SBNO1: variants seen among roughly 807,000 people sequenced by gnomAD.
The protein encoded by SBNO1 is strawberry notch homolog 1.
Under a neutral mutation model 173.6 loss-of-function variants are expected in SBNO1, and 23 were observed. That is an observed-to-expected ratio of 0.13 (90% CI 0.10 to 0.19). The LOEUF is 0.19. Ranked by LOEUF, SBNO1 falls within the 10% of genes least tolerant of loss-of-function variation. The pLI is 1.00. For synonymous variants in SBNO1, 632 were observed against 571.5 expected (o/e 1.11, Z -1.51); for missense variants, 1,238 against 1,671.2 (o/e 0.74, Z 4.52).
chr12:123,335,910 A>G (rs1256294435), intron 6 of SBNO1, among the ~76,000 whole-genome samples: 1 of 152,238 alleles, frequency 6.6e-6, no homozygotes, highest in Non-Finnish European at 1.5e-5. Context: ...AGAGAATTGT[A>G]GTTCAATTCA....
At chr12:123,316,703 CTTT>C (rs545944754) in intron 21 of SBNO1, among the ~76,000 whole-genome samples, 11 of 123,892 alleles carry the variant, frequency 8.9e-5, no homozygotes, top group African/African-American at 1.8e-4. Context: ...TTTTCTTCTT[CTTT>C]TTTTTTTTTT....
chr12:123,331,916 A>G (rs1469332434), intron 7 of SBNO1, among the ~76,000 whole-genome samples: 1 of 152,008 alleles, frequency 6.6e-6, no homozygotes, highest in Non-Finnish European at 1.5e-5. Flanking sequence ...GCAGTGGCAC[A>G]ATCTCGGCTC....
At chr12:123,346,858 A>C (rs1441627935) in intron 3 of SBNO1, among the ~76,000 whole-genome samples, 1 of 151,912 alleles carries the variant, frequency 6.6e-6, no homozygotes, top group Non-Finnish European at 1.5e-5. Flanking sequence ...TGGGCACATT[A>C]CCTGAGGTCA....
chr12:123,364,344 CA>C, intron 1 of SBNO1: 1 of 985,110 alleles, frequency 1.0e-6, no homozygotes, highest in Non-Finnish European at 1.2e-6. Context: ...AGGCGGAAGC[CA>C]AAGGGGCGAA....
intron 17 of SBNO1, 134 bp from the exon 18 acceptor site, chr12:123,321,000 C>T (rs1402786257): frequency 2.4e-5 from 16 of 668,850 alleles, no homozygotes; most frequent in Middle Eastern, 4.3e-4. Flanking sequence ...AGTGCAATGG[C>T]GCAATCTCAG....
At chr12:123,331,198 G>A (rs758986415) in intron 8 of SBNO1, 44 bp downstream of exon 8, 87 of 1,598,942 alleles carry the variant, frequency 5.4e-5, no homozygotes, top group South Asian at 1.8e-4. Context: ...TCCTAACCTC[G>A]TGATCCGCTG....
intron 1 of SBNO1, among the ~76,000 whole-genome samples, chr12:123,362,402 C>T (rs1179657095): frequency 7.5e-6 from 1 of 133,910 alleles, no homozygotes; most frequent in African/African-American, 2.9e-5. Context: ...TGCCACTGCA[C>T]TCCAGCCTGG....
intron 28 of SBNO1, among the ~76,000 whole-genome samples, chr12:123,308,720 T>C (rs185254282): frequency 6.6e-6 from 1 of 150,960 alleles, no homozygotes; most frequent in African/African-American, 2.4e-5. Flanking sequence ...CATCTATAAT[T>C]CCTTTGGGAG....
intron 23 of SBNO1, among the ~76,000 whole-genome samples, chr12:123,314,662 G>C (rs1293605817): frequency 6.6e-6 from 1 of 151,620 alleles, no homozygotes; most frequent in African/African-American, 2.4e-5. Context: ...TTTTGAGACA[G>C]AGTCTTGCCC....
intron 5 of SBNO1, among the ~76,000 whole-genome samples, chr12:123,339,287 G>A (rs942020716): frequency 1.3e-5 from 2 of 151,550 alleles, no homozygotes; most frequent in African/African-American, 2.4e-5. Context: ...TCCCCTCTCC[G>A]TTTTTCAATC....
chr12:123,321,450 G>C, intron 17 of SBNO1, 85 bp downstream of exon 17: 1 of 963,924 alleles, frequency 1.0e-6, no homozygotes, highest in Non-Finnish European at 1.6e-6. Context: ...CATTTGTACT[G>C]TACAGAAGAA....
Position 123,317,304 on chromosome 12 carries a change from T to A in SBNO1, c.2852A>T (p.Asp951Val). Residue 951 changes from aspartate to valine, a missense_variant, in exon 21 of 32, where the codon GAT becomes GTT. Physicochemically the swap from Asp to Val is radical, Grantham distance 152 (BLOSUM62 -3). Around this residue, in one of 14 missense-constraint regions of SBNO1, gnomAD observed 39 missense variants for 129.7 expected, o/e 0.30. Coordinates refer to ENST00000602398, the MANE Select transcript of SBNO1 (RefSeq NM_001167856.3). ...TCGCCTTTGATTTTTAGCTCTCCTA[T>A]CTGCTTGTAATGAAATACCCGAGCT... ...AASSGISLQADRRAKNQRRRV... is the reference protein window; with the variant it reads ...AASSGISLQAVRRAKNQRRRV... 2 of 1,613,972 alleles carry A rather than the reference T, an allele frequency of 1.2e-6. No homozygotes were observed. The highest frequency in any genetic ancestry group is 1.7e-6 in the Non-Finnish European group (2 of 1,179,848).
At chr12:123,319,068 A>G (rs575276700) in intron 20 of SBNO1, among the ~76,000 whole-genome samples, 1 of 150,340 alleles carries the variant, frequency 6.7e-6, no homozygotes, top group East Asian at 2.0e-4. Context: ...GGTTCCAGCT[A>G]TTCTCCTCCC....
chr12:123,324,654 C>T (rs1019442796), intron 15 of SBNO1, among the ~76,000 whole-genome samples: 5 of 151,996 alleles, frequency 3.3e-5, no homozygotes, highest in Admixed American at 3.3e-4. Flanking sequence ...TCCCGAGGCA[C>T]AAAATAGTAG....
rs547569936 is a variant in SBNO1 at position 123,294,564 on chromosome 12, AT to A, written c.*1343del. 141 of 148,596 alleles carry A rather than the reference AT, an allele frequency of 9.5e-4. No individual in the cohort carries two copies. Among genetic ancestry groups the A allele is most frequent in the Non-Finnish European group, 1.7e-3 (119 of 69,416 alleles). 9.2% of individuals were successfully genotyped at this position (148,596 alleles called of 1,614,324 possible). A position where few individuals can be genotyped will look rare whatever the true frequency, so the allele number is the denominator to read the frequency against. ...TAACTTTTTATTTGACATCTACAAG[AT>A]TTTGGCATCTTGCAGCTTTTTACCA... On this transcript the variant is annotated 3_prime_UTR_variant, in exon 32 of 32. Transcript: ENST00000602398.
chr12:123,294,530 T>A lies in SBNO1; in HGVS notation c.*1378A>T, dbSNP rs943413151. 5 of 153,262 alleles carry A rather than the reference T, an allele frequency of 3.3e-5. No homozygotes were observed. Among genetic ancestry groups the A allele is most frequent in the African/African-American group, 1.2e-4 (5 of 41,150 alleles). 9.5% of individuals were successfully genotyped at this position (153,262 alleles called of 1,614,324 possible). A position where few individuals can be genotyped will look rare whatever the true frequency, so the allele number is the denominator to read the frequency against. ...GGCCTAAACAAGAGTCCACTTCTTGTTAGTATAATAACTTTTTATTTGACA... is the reference window on the plus strand; with the variant it reads ...GGCCTAAACAAGAGTCCACTTCTTGATAGTATAATAACTTTTTATTTGACA... On this transcript the variant is annotated 3_prime_UTR_variant, in exon 32 of 32. Coordinates refer to ENST00000602398, the MANE Select transcript of SBNO1 (RefSeq NM_001167856.3).
rs2048508550 is a variant in SBNO1 at position 123,291,376 on chromosome 12, A to C, written c.*4532T>G. Reference sequence around the variant, plus strand: ...TGATCTAAGAGCTAAGTTTGATCCCAAATGCACTGAAGAAGTTAGAGGAGC... The same window carrying C: ...TGATCTAAGAGCTAAGTTTGATCCCCAATGCACTGAAGAAGTTAGAGGAGC... On this transcript the variant is annotated 3_prime_UTR_variant, in exon 32 of 32. Transcript: ENST00000602398. The C allele has an allele frequency of 6.6e-6, 1 of 152,178 alleles. No individual in the cohort carries two copies. Among genetic ancestry groups the C allele is most frequent in the African/African-American group, 2.4e-5 (1 of 41,440 alleles). The allele number at this position is 152,178 out of a possible 1,614,324, so 9.4% of individuals were successfully genotyped here. A position where few individuals can be genotyped will look rare whatever the true frequency, so the allele number is the denominator to read the frequency against.
chr12:123,357,453 CAACA>C (rs970822232), intron 1 of SBNO1, among the ~76,000 whole-genome samples: 6 of 150,786 alleles, frequency 4.0e-5, no homozygotes, highest in African/African-American at 1.2e-4. Context: ...CGTCTCAAAA[CAACA>C]AACAGTCAGG....
At chr12:123,314,602 C>T (rs1282116241) in intron 23 of SBNO1, among the ~76,000 whole-genome samples, 1 of 151,720 alleles carries the variant, frequency 6.6e-6, no homozygotes, top group Non-Finnish European at 1.5e-5. Context: ...TGCTGGATTA[C>T]AGGCGTGAGC....
Sources: allele counts gnomAD v4.1 joint callset (sites outside exome capture counted in the v4.1 genomes callset), GRCh38; gene constraint gnomAD v4.1.1; regional missense constraint gnomAD v4.1.1; transcripts MANE v1.5; gene names NCBI Gene and HGNC (gene_info 2026-07-23, HGNC 2026-07-21).